The following MYOM1 variants were observed in gnomAD, a reference collection of about 807,000 sequenced individuals.
The protein encoded by MYOM1 is myomesin-1.
Under a neutral mutation model 205.3 loss-of-function variants are expected in MYOM1, and 164 were observed. That is an observed-to-expected ratio of 0.80 (90% CI 0.70 to 0.91). The LOEUF (loss-of-function observed/expected upper bound fraction) is 0.91, where lower values mean the gene tolerates loss of function less well. Among genes scored for constraint, MYOM1 ranks in the 40% least tolerant of loss-of-function variants. The pLI is 0.00. For missense variants in MYOM1, 2,011 were observed against 2,127.3 expected (o/e 0.95, Z 1.08); for synonymous variants, 772 against 789.4 (o/e 0.98, Z 0.37).
chr18:3,142,861 C>A (rs1353559444), intron 13 of MYOM1, among the ~76,000 whole-genome samples: 2 of 152,084 alleles, frequency 1.3e-5, no homozygotes, highest in East Asian at 3.8e-4. Context: ...AAGTTTAGGA[C>A]AGTTTTAGTT....
rs1208842664 is a variant in MYOM1, at chr18:3,129,492, G to A, written c.2534C>T (p.Pro845Leu). ...IGGGVSPDVCPALSDEPGGLT... is the reference protein window; with the variant it reads ...IGGGVSPDVCLALSDEPGGLT... ...TCCACCAGGCTCATCGCTCAGTGCG[G>A]GACACACATCTGGAGACACTCCTCC... The change falls in exon 18 of 38, where the codon CCC becomes CTC. Residue 845 changes from proline to leucine, a missense_variant. Pro to Leu is a moderately conservative substitution (Grantham distance 98, BLOSUM62 -3). Transcript: ENST00000356443. 3 of 1,613,424 alleles carry A rather than the reference G, an allele frequency of 1.9e-6. No individual in the cohort carries two copies. Among genetic ancestry groups the A allele is most frequent in the Admixed American group, 3.3e-5 (2 of 59,972 alleles).
chr18:3,082,331 G>T (rs2079093811), intron 33 of MYOM1, among the ~76,000 whole-genome samples: 1 of 152,188 alleles, frequency 6.6e-6, no homozygotes, highest in South Asian at 2.1e-4. Flanking sequence ...GAGCCAGGCT[G>T]CCTAGGCTCA....
At chr18:3,163,323 A>T (rs556712414) in intron 10 of MYOM1, among the ~76,000 whole-genome samples, 12 of 152,354 alleles carry the variant, frequency 7.9e-5, no homozygotes, top group African/African-American at 2.9e-4. Flanking sequence ...CGGAACAGTC[A>T]TAGGGAACTG....
intron 17 of MYOM1, among the ~76,000 whole-genome samples, chr18:3,130,562 G>T (rs968541980): frequency 6.6e-6 from 1 of 151,970 alleles, no homozygotes; most frequent in Admixed American, 6.6e-5. Flanking sequence ...AGTGATCCAC[G>T]TGCCTCAGCC....
At chr18:3,168,703 G>T in intron 9 of MYOM1, 114 bp downstream of exon 9, 1 of 1,024,592 alleles carries the variant, frequency 9.8e-7, no homozygotes, top group Non-Finnish European at 1.4e-6. Flanking sequence ...TTTTAATCGT[G>T]TAAAGGTAGT....
chr18:3,147,129 A>G (rs868229831), intron 13 of MYOM1, among the ~76,000 whole-genome samples: 2 of 145,404 alleles, frequency 1.4e-5, no homozygotes, highest in Non-Finnish European at 3.0e-5. Context: ...TAAATATTAT[A>G]TATTATAGAT....
At chr18:3,178,120 G>A (rs1222975830) in intron 5 of MYOM1, among the ~76,000 whole-genome samples, 1 of 152,160 alleles carries the variant, frequency 6.6e-6, no homozygotes, top group African/African-American at 2.4e-5. Context: ...GAGGAACTGG[G>A]TTTCACTTGT....
At chr18:3,133,727 A>G (rs2079910532) in intron 16 of MYOM1, among the ~76,000 whole-genome samples, 3 of 152,230 alleles carry the variant, frequency 2.0e-5, no homozygotes, top group Admixed American at 2.0e-4. Flanking sequence ...GCACTATGAA[A>G]TGAACTCTTA....
upstream of MYOM1, among the ~76,000 whole-genome samples, chr18:3,222,906 G>A (rs1161896886): frequency 6.6e-6 from 1 of 151,890 alleles, no homozygotes; most frequent in Non-Finnish European, 1.5e-5. Flanking sequence ...TTGAGACAGG[G>A]TCTCTCGCTC....
At chr18:3,117,633 G>A (rs748564315) in intron 20 of MYOM1, among the ~76,000 whole-genome samples, 6 of 151,882 alleles carry the variant, frequency 4.0e-5, no homozygotes, top group Non-Finnish European at 8.8e-5. Flanking sequence ...CTGCTACGCA[G>A]GTGAAAAAAT....
chr18:3,119,258 G>A (rs2079650807), intron 20 of MYOM1, among the ~76,000 whole-genome samples: 2 of 152,030 alleles, frequency 1.3e-5, no homozygotes, highest in Non-Finnish European at 2.9e-5. Context: ...TAGAGAGAAA[G>A]GGCTGGAAAA....
intron 2 of MYOM1, among the ~76,000 whole-genome samples, chr18:3,206,209 C>T (rs2081121416): frequency 6.6e-6 from 1 of 152,178 alleles, no homozygotes; most frequent in Non-Finnish European, 1.5e-5. Context: ...TATGTGTTTT[C>T]ATTAGGCTTT....
intron 2 of MYOM1, among the ~76,000 whole-genome samples, chr18:3,202,876 C>G (rs777997712): frequency 6.6e-6 from 1 of 151,924 alleles, no homozygotes; most frequent in Non-Finnish European, 1.5e-5. Context: ...TCAACATTCT[C>G]AAGGAGGGTT....
At chr18:3,126,625 G>A in intron 19 of MYOM1, 76 bp downstream of exon 19, 1 of 1,325,658 alleles carries the variant, frequency 7.5e-7, no homozygotes. Flanking sequence ...CAAGGTGCTG[G>A]GTGTGTGCCT....
intron 13 of MYOM1, among the ~76,000 whole-genome samples, chr18:3,147,278 T>C (rs972914384): frequency 6.6e-6 from 1 of 151,316 alleles, no homozygotes; most frequent in African/African-American, 2.4e-5. Flanking sequence ...TTGATTGGAA[T>C]TGATAAAAGA....
At chr18:3,103,398 GT>G (rs2079407778) in intron 22 of MYOM1, among the ~76,000 whole-genome samples, 1 of 152,168 alleles carries the variant, frequency 6.6e-6, no homozygotes, top group African/African-American at 2.4e-5. Flanking sequence ...AGTGTTTTGA[GT>G]TATTCTATTT....
intron 5 of MYOM1, among the ~76,000 whole-genome samples, chr18:3,182,346 A>C (rs2080746921): frequency 6.6e-6 from 1 of 152,176 alleles, no homozygotes; most frequent in African/African-American, 2.4e-5. Context: ...TGACGAGTTG[A>C]TGGGTGCAGT....
chr18:3,215,192 T>C lies in MYOM1; in HGVS notation c.32A>G (p.Gln11Arg). The change falls in exon 2 of 38, where the codon CAG becomes CGG. Residue 11 changes from glutamine (Q) to arginine (R), a missense_variant. Coordinates refer to ENST00000356443, the MANE Select transcript of MYOM1 (RefSeq NM_003803.4). MSLPFYQRCH[Q>R]HYDLSYRNKD... ...GTTGCGGTAGCTGAGATCATAGTGC[T>C]GGTGGCACCTCTGATAAAAAGGCAA... 1 of 1,612,872 alleles carries C rather than the reference T, an allele frequency of 6.2e-7. No homozygotes were observed. Among genetic ancestry groups the C allele is most frequent in the Non-Finnish European group, 8.5e-7 (1 of 1,179,422 alleles).
intron 10 of MYOM1, among the ~76,000 whole-genome samples, chr18:3,157,643 C>G (rs1175739061): frequency 6.6e-6 from 1 of 150,780 alleles, no homozygotes; most frequent in Non-Finnish European, 1.5e-5. Flanking sequence ...CACCACTACA[C>G]TCCAGCCTGG....
Sources: allele counts gnomAD v4.1 joint callset (sites outside exome capture counted in the v4.1 genomes callset), GRCh38; gene constraint gnomAD v4.1.1; transcripts MANE v1.5; gene names NCBI Gene and HGNC (gene_info 2026-07-23, HGNC 2026-07-21).